WWP1: variants seen among roughly 807,000 people sequenced by gnomAD.
WWP1 encodes NEDD4-like E3 ubiquitin-protein ligase WWP1.
Under a neutral mutation model 130.6 loss-of-function variants are expected in WWP1, and 49 were observed. The observed-to-expected ratio is 0.38, with a 90% CI of 0.30 to 0.48. The LOEUF is 0.48. Ranked by LOEUF, WWP1 falls within the 20% of genes least tolerant of loss-of-function variation. WWP1 has a pLI of 0.99. For missense variants in WWP1, 809 were observed against 1,100.6 expected (o/e 0.74, Z 3.75); for synonymous variants, 332 against 367.8 (o/e 0.90, Z 1.11).
chr8:86,401,889 A>G (rs1808000258), intron 7 of WWP1, 130 bp from the exon 8 acceptor site: 1 of 902,678 alleles, frequency 1.1e-6, no homozygotes. Context: ...TTGGAAATAG[A>G]ATCTAAAAAA....
chr8:86,376,562 C>G (rs956898370), intron 3 of WWP1, among the ~76,000 whole-genome samples: 2 of 150,952 alleles, frequency 1.3e-5, no homozygotes, highest in African/African-American at 2.4e-5. Context: ...AAGTGAGGCT[C>G]TGTCTCAAAA....
intron 11 of WWP1, among the ~76,000 whole-genome samples, chr8:86,428,921 A>G (rs1328061309): frequency 6.6e-6 from 1 of 152,174 alleles, no homozygotes; most frequent in Non-Finnish European, 1.5e-5. Context: ...GAGGTAACAG[A>G]TGTGTATCAG....
chr8:86,342,716 GGT>G lies in WWP1; in HGVS notation c.-327_-326del. The G allele has an allele frequency of 3.1e-6, 1 of 325,384 alleles. No homozygotes were observed. The highest frequency in any genetic ancestry group is 2.3e-5 in the African/African-American group (1 of 44,410). The allele number at this position is 325,384 out of a possible 1,614,324, so 20.2% of individuals were successfully genotyped here. On this transcript the variant is annotated 5_prime_UTR_variant, in exon 1 of 25. Transcript: ENST00000517970. ...GGGGGTGGCGCGTGGACGGGGTGGGGGTGGGGGGAGGGTCGGGTGTCGGCGAG... is the reference window on the plus strand; with the variant it reads ...GGGGGTGGCGCGTGGACGGGGTGGGGGGGGGGAGGGTCGGGTGTCGGCGAG...
At chr8:86,373,974 T>C in intron 2 of WWP1, 56 bp from the exon 3 acceptor site, 5 of 1,355,790 alleles carry the variant, frequency 3.7e-6, no homozygotes, top group Non-Finnish European at 5.1e-6. Context: ...TTTTAATATC[T>C]TGAAAATTAC....
At chr8:86,401,156 T>C (rs1807956535) in intron 7 of WWP1, among the ~76,000 whole-genome samples, 1 of 152,100 alleles carries the variant, frequency 6.6e-6, no homozygotes, top group Non-Finnish European at 1.5e-5. Flanking sequence ...GGTATAATAT[T>C]TAGCTTTTTT....
At chr8:86,449,412 T>C (rs1811054702) in intron 20 of WWP1, among the ~76,000 whole-genome samples, 1 of 152,382 alleles carries the variant, frequency 6.6e-6, no homozygotes, top group East Asian at 1.9e-4. Flanking sequence ...AAGGTAGCTA[T>C]AGACAGTGTA....
intron 24 of WWP1, among the ~76,000 whole-genome samples, chr8:86,463,801 C>G (rs969046850): frequency 6.6e-5 from 10 of 151,976 alleles, no homozygotes; most frequent in African/African-American, 2.4e-4. Flanking sequence ...TGGCTCACAC[C>G]TGTAATCCCA....
chr8:86,447,789 G>A (rs999265493), intron 18 of WWP1, among the ~76,000 whole-genome samples: 22 of 152,122 alleles, frequency 1.4e-4, no homozygotes, highest in African/African-American at 4.6e-4. Context: ...AGTAAGAAAC[G>A]AACGAGAGAG....
At position 86,461,220 on chromosome 8, in the gene WWP1, A is replaced by G; in HGVS notation, c.2500-4A>G. 2 of 1,611,890 alleles carry G rather than the reference A, an allele frequency of 1.2e-6. No homozygotes were observed. Among genetic ancestry groups the G allele is most frequent in the East Asian group, 2.2e-5 (1 of 44,866 alleles). ...ATATTAAAGTACATTTAATTTCATTACAGTTTGTGAAAGAGACAGACAATG... is the reference window on the plus strand; with the variant it reads ...ATATTAAAGTACATTTAATTTCATTGCAGTTTGTGAAAGAGACAGACAATG... On this transcript the variant is annotated splice_polypyrimidine_tract_variant and splice_region_variant and intron_variant, in intron 22 of 24. Transcript: ENST00000517970.
chr8:86,371,511 A>G (rs1410905523), intron 2 of WWP1, among the ~76,000 whole-genome samples: 1 of 152,180 alleles, frequency 6.6e-6, no homozygotes, highest in Non-Finnish European at 1.5e-5. Flanking sequence ...TGGCACTATC[A>G]ACATTCCTAG....
At chr8:86,364,872 G>T (rs958123998) in intron 1 of WWP1, among the ~76,000 whole-genome samples, 5 of 151,314 alleles carry the variant, frequency 3.3e-5, no homozygotes, top group Non-Finnish European at 5.9e-5. Flanking sequence ...AAGAAAGAGA[G>T]AAAGAAAGAA....
At chr8:86,428,209 C>T (rs769475109) in intron 11 of WWP1, among the ~76,000 whole-genome samples, 10 of 152,094 alleles carry the variant, frequency 6.6e-5, no homozygotes, top group Non-Finnish European at 1.3e-4. Flanking sequence ...AGTATGCTAC[C>T]TATTCTGATT....
At chr8:86,344,473 G>A (rs537292156) in intron 1 of WWP1, among the ~76,000 whole-genome samples, 205 of 152,260 alleles carry the variant, frequency 1.3e-3, no homozygotes, top group African/African-American at 4.8e-3. Flanking sequence ...AATTGTGGGA[G>A]GTATTTTGGG....
chr8:86,461,287 C>T lies in WWP1; in HGVS notation c.2563C>T (p.Arg855Cys). ...ATTGCAGTTCGTCACTGGAACCTGC[C>T]GTTTACCTCTAGGAGGATTTGCTGA... Reference protein sequence around the residue: ...RLLQFVTGTCRLPLGGFAELM... With the variant: ...RLLQFVTGTCCLPLGGFAELM... The change falls in exon 23 of 25, where the codon CGT becomes TGT. Residue 855 changes from arginine to cysteine, a missense_variant. Arg to Cys is a radical substitution (Grantham distance 180). Coordinates refer to ENST00000517970, the MANE Select transcript of WWP1 (RefSeq NM_007013.4). 3.1e-6 allele frequency: 5 copies of T among 1,613,982 alleles called. No homozygotes were observed. Among genetic ancestry groups the T allele is most frequent in the Non-Finnish European group, 3.4e-6 (4 of 1,179,950 alleles).
At chr8:86,384,114 C>T (rs991804490) in intron 5 of WWP1, among the ~76,000 whole-genome samples, 3 of 152,050 alleles carry the variant, frequency 2.0e-5, no homozygotes, top group Non-Finnish European at 4.4e-5. Context: ...CCAAATTTCC[C>T]CTTATCAGGA....
chr8:86,467,823 T>C lies in WWP1; in HGVS notation c.*930T>C, dbSNP rs1563563106. The stretch of plus-strand genomic sequence containing the variant: ...TTTGGTTTTTATGAAGCCAGATGGA[T>C]TGAAGAGTTACATAAGCATTTGAAT... On this transcript the variant is annotated 3_prime_UTR_variant, in exon 25 of 25. Transcript: ENST00000517970. 6.6e-6 allele frequency: 1 copy of C among 152,232 alleles called. No homozygotes were observed. Among genetic ancestry groups the C allele is most frequent in the Non-Finnish European group, 1.5e-5 (1 of 68,028 alleles). The allele number at this position is 152,232 out of a possible 1,614,324, so 9.4% of individuals were successfully genotyped here. A position where few individuals can be genotyped will look rare whatever the true frequency, so the allele number is the denominator to read the frequency against.
At chr8:86,358,396 G>A (rs1360403901) in intron 1 of WWP1, among the ~76,000 whole-genome samples, 1 of 151,534 alleles carries the variant, frequency 6.6e-6, no homozygotes, top group Admixed American at 6.6e-5. Context: ...ATCTTTTATT[G>A]TTGTCTTAGC....
intron 14 of WWP1, 137 bp from the exon 15 acceptor site, chr8:86,435,315 T>C: frequency 1.2e-6 from 1 of 820,748 alleles, no homozygotes; most frequent in South Asian, 1.8e-5. Context: ...TGGCCCACCA[T>C]GTATGTATAC....
At chr8:86,432,827 C>T (rs1312053136) in intron 14 of WWP1, among the ~76,000 whole-genome samples, 1 of 152,148 alleles carries the variant, frequency 6.6e-6, no homozygotes, top group African/African-American at 2.4e-5. Context: ...AGGCTGGTCT[C>T]GGACTCCTGA....
Sources: gnomAD v4.1 joint callset for allele counts (sites outside exome capture counted in the v4.1 genomes callset) on GRCh38, gnomAD v4.1.1 for gene constraint, MANE v1.5 for transcripts, NCBI Gene and HGNC (gene_info 2026-07-23, HGNC 2026-07-21) for gene names.